Variants in ZNF90 observed in about 807,000 individuals in gnomAD.
ZNF90 encodes the protein zinc finger protein HTF9.
Under a neutral mutation model 12.0 loss-of-function variants are expected in ZNF90, and 11 were observed. That is an observed-to-expected ratio of 0.92 (90% CI 0.58 to 1.52). ZNF90 has a LOEUF of 1.52. ZNF90 is among the 40% of genes most tolerant of loss of function. The pLI, the probability that ZNF90 is intolerant of heterozygous loss-of-function variation, is 0.00. For missense variants in ZNF90, 765 were observed against 711.5 expected (o/e 1.08, Z -0.86); for synonymous variants, 232 against 240.1 (o/e 0.97, Z 0.31).
At chr19:20,086,699 A>C (rs1555702110) in intron 1 of ZNF90, among the ~76,000 whole-genome samples, 1 of 152,362 alleles carries the variant, frequency 6.6e-6, no homozygotes, top group East Asian at 1.9e-4. Context: ...TACTATATAC[A>C]TACTATATAC....
intron 1 of ZNF90, among the ~76,000 whole-genome samples, chr19:20,084,508 T>A (rs369468247): frequency 5.3e-5 from 8 of 152,220 alleles, no homozygotes; most frequent in African/African-American, 1.4e-4. Context: ...ATATACCCAG[T>A]TGTGGGGCTC....
At chr19:20,082,560 CT>C (rs1390619755) in intron 1 of ZNF90, among the ~76,000 whole-genome samples, 4 of 152,134 alleles carry the variant, frequency 2.6e-5, no homozygotes, top group African/African-American at 4.8e-5. Context: ...TAAACAAATG[CT>C]TGAAGGCAGC....
rs782379613 is a variant in ZNF90, at chr19:20,119,172, G to A, written c.1618G>A (p.Glu540Lys). Reference protein sequence around the residue: ...IHTGAKPYKCEECGKAFKRSS... With the variant: ...IHTGAKPYKCKECGKAFKRSS... Reference sequence around the variant, plus strand: ...TACTGGAGCGAAACCCTACAAATGTGAAGAATGTGGCAAAGCCTTTAAGCG... The same window carrying A: ...TACTGGAGCGAAACCCTACAAATGTAAAGAATGTGGCAAAGCCTTTAAGCG... Residue 540 changes from glutamate (E) to lysine (K), a missense_variant, in exon 4 of 4, where the codon GAA becomes AAA. Transcript: ENST00000418063. 6 of 1,612,822 alleles carry A rather than the reference G, an allele frequency of 3.7e-6. No individual in the cohort carries two copies. Among genetic ancestry groups the A allele is most frequent in the Middle Eastern group, 1.7e-4 (1 of 6,058 alleles).
chr19:20,105,170 G>A (rs2089024142), intron 2 of ZNF90, 51 bp from the exon 3 acceptor site: 24 of 1,426,734 alleles, frequency 1.7e-5, no homozygotes, highest in Non-Finnish European at 2.3e-5. Context: ...GTACTAGCTT[G>A]TAATTGGAGA....
rs1384605999 is a variant in ZNF90, at chr19:20,118,080, A to G, written c.526A>G (p.Ile176Val). The G allele has an allele frequency of 1.9e-6, 3 of 1,613,356 alleles. No homozygotes were observed. The highest frequency in any genetic ancestry group is 2.5e-6 in the Non-Finnish European group (3 of 1,179,638). ...TACTGGAAAAAAACCTTTCAAATGT[A>G]TAGAATGTGGCAAAGCTTTCAACCA... ...RDTGKKPFKCIECGKAFNQSS... is the reference protein window; with the variant it reads ...RDTGKKPFKCVECGKAFNQSS... Residue 176 changes from isoleucine (I) to valine (V), a missense_variant, in exon 4 of 4, where the codon ATA (isoleucine) becomes GTA (valine). Ile to Val is a conservative substitution (Grantham distance 29, BLOSUM62 3). Coordinates refer to ENST00000418063, the MANE Select transcript of ZNF90 (RefSeq NM_007138.2).
intron 1 of ZNF90, chr19:20,080,262 G>C (rs1424169397): frequency 3.4e-6 from 2 of 580,554 alleles, no homozygotes; most frequent in African/African-American, 1.9e-5. Flanking sequence ...CCAGGGTCTT[G>C]GTACGGACTA....
intron 3 of ZNF90, among the ~76,000 whole-genome samples, chr19:20,115,133 C>A (rs1426312121): frequency 1.3e-5 from 2 of 152,212 alleles, no homozygotes; most frequent in East Asian, 1.9e-4. Flanking sequence ...GTGACCTCTT[C>A]TGCTCTCATT....
At chr19:20,113,895 T>G (rs1271272365) in intron 3 of ZNF90, among the ~76,000 whole-genome samples, 1 of 152,198 alleles carries the variant, frequency 6.6e-6, no homozygotes, top group Non-Finnish European at 1.5e-5. Flanking sequence ...TCAGAAACAC[T>G]TTTGGATTTG....
chr19:20,083,787 G>A (rs1555701774), intron 1 of ZNF90, among the ~76,000 whole-genome samples: 1 of 152,096 alleles, frequency 6.6e-6, no homozygotes, highest in Non-Finnish European at 1.5e-5. Flanking sequence ...CTTACTTATT[G>A]TTCAGGCTAG....
chr19:20,109,676 C>A (rs1182932202), intron 3 of ZNF90, among the ~76,000 whole-genome samples: 3 of 150,860 alleles, frequency 2.0e-5, no homozygotes, highest in African/African-American at 4.9e-5. Flanking sequence ...AGGTTTGAGA[C>A]CAGCCTGGGC....
chr19:20,078,054 C>T lies in ZNF90; in HGVS notation c.-79C>T. Reference sequence around the variant, plus strand: ...AAATCTGGTCTTAGCTGCTTCGTGTCTTCTTCTCCAGCCTCTGTGGCCCTG... The same window carrying T: ...AAATCTGGTCTTAGCTGCTTCGTGTTTTCTTCTCCAGCCTCTGTGGCCCTG... On this transcript the variant is annotated 5_prime_UTR_variant, in exon 1 of 4. Coordinates refer to ENST00000418063, the MANE Select transcript of ZNF90 (RefSeq NM_007138.2). 6.3e-7 allele frequency: 1 copy of T among 1,597,438 alleles called. No homozygotes were observed. Among genetic ancestry groups the T allele is most frequent in the Admixed American group, 1.7e-5 (1 of 59,962 alleles).
intron 3 of ZNF90, among the ~76,000 whole-genome samples, chr19:20,106,282 A>G (rs1306413296): frequency 1.3e-5 from 2 of 152,066 alleles, no homozygotes; most frequent in South Asian, 2.1e-4. Context: ...ATAAGATTGT[A>G]TGATCTAGAA....
chr19:20,119,810 G>A lies in ZNF90; in HGVS notation c.*450G>A, dbSNP rs1046879731. The stretch of plus-strand genomic sequence containing the variant: ...GGGTTTTGCCATATTTAACAGGCTG[G>A]TCTCCAACTGTGATTCACACACCTT... On this transcript the variant is annotated 3_prime_UTR_variant, in exon 4 of 4. Coordinates refer to ENST00000418063, the MANE Select transcript of ZNF90 (RefSeq NM_007138.2). The A allele has an allele frequency of 6.3e-6, 1 of 159,864 alleles. No individual in the cohort carries two copies. Among genetic ancestry groups the A allele is most frequent in the East Asian group, 1.9e-4 (1 of 5,348 alleles). The allele number at this position is 159,864 out of a possible 1,614,324, so 9.9% of individuals were successfully genotyped here.
In ZNF90 at chr19:20,100,936, C is replaced by T. The variant is rs1405061396; in HGVS notation, c.4-3303C>T. On this transcript the variant is annotated intron_variant, in intron 1 of 3. Transcript: ENST00000418063. The stretch of plus-strand genomic sequence containing the variant: ...AGGGACAGTGATTGGGATATAAACC[C>T]CAGGCATTTGAGTCGGGAGTGCACA... Among the ~76,000 whole-genome samples, 7 of 152,090 alleles carry T rather than the reference C, an allele frequency of 4.6e-5. No individual in the cohort carries two copies. The East Asian group carries it at 9.7e-4, about 21-fold the overall frequency.
At chr19:20,117,261 C>T (rs148960147) in intron 3 of ZNF90, among the ~76,000 whole-genome samples, 1 of 152,106 alleles carries the variant, frequency 6.6e-6, no homozygotes, top group South Asian at 2.1e-4. Context: ...TCAGGCTGGT[C>T]TCAACCTCCT....
intron 1 of ZNF90, among the ~76,000 whole-genome samples, chr19:20,089,402 G>T (rs986029435): frequency 3.9e-5 from 6 of 152,136 alleles, no homozygotes; most frequent in Admixed American, 1.3e-4. Context: ...AAGTTTGCCT[G>T]TATTGATAGA....
At chr19:20,114,422 A>G (rs567776823) in intron 3 of ZNF90, among the ~76,000 whole-genome samples, 46 of 152,244 alleles carry the variant, frequency 3.0e-4, no homozygotes, top group African/African-American at 1.1e-3. Context: ...ATTTCGTGGC[A>G]CTCTTCAAAC....
chr19:20,113,566 A>T (rs2089109618), intron 3 of ZNF90, among the ~76,000 whole-genome samples: 1 of 151,406 alleles, frequency 6.6e-6, no homozygotes, highest in African/African-American at 2.4e-5. Flanking sequence ...GCGGTGGCTC[A>T]CGATTGTAAT....
chr19:20,117,397 C>CTCCTTCCTTCCT (rs1197197056), intron 3 of ZNF90, among the ~76,000 whole-genome samples: 1 of 91,400 alleles, frequency 1.1e-5, no homozygotes, highest in Non-Finnish European at 1.9e-5. Context: ...CTTTTCTTTT[C>CTCCTTCCTTCCT]TCCTTCCTTC....
Sources: gnomAD v4.1 joint callset for allele counts (sites outside exome capture counted in the v4.1 genomes callset) on GRCh38, gnomAD v4.1.1 for gene constraint, MANE v1.5 for transcripts, NCBI Gene and HGNC (gene_info 2026-07-23, HGNC 2026-07-21) for gene names.